Variants in MAP3K9 observed in about 807,000 individuals in gnomAD.
MAP3K9 encodes the protein mitogen-activated protein kinase kinase kinase 9, also known as mixed lineage kinase 1 (tyr and ser/thr specificity).
Under a neutral mutation model 95.8 loss-of-function variants are expected in MAP3K9, and 46 were observed. The ratio of observed to expected loss-of-function variants is 0.48; its 90% confidence interval spans 0.38 to 0.61. The LOEUF (loss-of-function observed/expected upper bound fraction) is 0.61. Among genes scored for constraint, MAP3K9 ranks in the 20% least tolerant of loss-of-function variants. The pLI is 0.00. For synonymous variants in MAP3K9, 533 were observed against 593.8 expected, an observed-to-expected ratio of 0.90 and a Z score of 1.49; for missense variants, 1,296 against 1,474.3, an observed-to-expected ratio of 0.88 and a Z score of 1.98.
intron 2 of MAP3K9, among the ~76,000 whole-genome samples, chr14:70,797,417 AAAT>A (rs10624095): frequency 3.3e-5 from 5 of 149,578 alleles, no homozygotes; most frequent in African/African-American, 7.4e-5. Flanking sequence ...ATCTCTATTA[AAAT>A]AATAATAATA....
intron 6 of MAP3K9, among the ~76,000 whole-genome samples, chr14:70,741,706 G>A (rs921385517): frequency 6.6e-6 from 1 of 152,184 alleles, no homozygotes; most frequent in African/African-American, 2.4e-5. Context: ...AGCCAGGAGT[G>A]GTGGCTCACA....
At chr14:70,781,190 G>C (rs2054671054) in intron 2 of MAP3K9, among the ~76,000 whole-genome samples, 1 of 152,218 alleles carries the variant, frequency 6.6e-6, no homozygotes, top group South Asian at 2.1e-4. Flanking sequence ...CAGAAAAGAT[G>C]CTACAGCTTC....
intron 2 of MAP3K9, among the ~76,000 whole-genome samples, chr14:70,782,426 G>C (rs966460105): frequency 6.6e-6 from 1 of 152,110 alleles, no homozygotes; most frequent in African/African-American, 2.4e-5. Context: ...AGAGGAGAAA[G>C]GATTTGAGGG....
At chr14:70,789,784 C>G (rs1003150169) in intron 2 of MAP3K9, among the ~76,000 whole-genome samples, 8 of 152,188 alleles carry the variant, frequency 5.3e-5, no homozygotes, top group Non-Finnish European at 1.0e-4. Context: ...AAGGGACATG[C>G]AACCCACAGC....
chr14:70,750,176 C>A, intron 3 of MAP3K9, 95 bp from the exon 4 acceptor site: 1 of 1,086,760 alleles, frequency 9.2e-7, no homozygotes, highest in Non-Finnish European at 1.4e-6. Context: ...CACATTCTCC[C>A]CAACAGATAG....
intron 3 of MAP3K9, among the ~76,000 whole-genome samples, chr14:70,756,809 A>G (rs997937819): frequency 6.6e-6 from 1 of 152,174 alleles, no homozygotes; most frequent in African/African-American, 2.4e-5. Flanking sequence ...TTTGAAAGAG[A>G]ATATGCTTCT....
intron 2 of MAP3K9, chr14:70,765,428 C>T (rs1198162115): frequency 1.5e-6 from 1 of 687,468 alleles, no homozygotes; most frequent in South Asian, 1.6e-5. Context: ...CACATTCACT[C>T]ACCACTCACT....
In MAP3K9 at chr14:70,748,858, TCTC is replaced by T; in HGVS notation, c.1294_1296del (p.Glu432del). The T allele has an allele frequency of 6.2e-7, 1 of 1,613,482 alleles. No individual in the cohort carries two copies. The highest frequency in any genetic ancestry group is 1.1e-5 in the South Asian group (1 of 90,894). On this transcript the variant is annotated inframe_deletion, in exon 5 of 12. Coordinates refer to ENST00000554752, the MANE Select transcript of MAP3K9 (RefSeq NM_001284230.2). The stretch of plus-strand genomic sequence containing the variant: ...TCTTTGGCCCTGAGTTGGTCAAACA[TCTC>T]CTGAATCTCGTGTTTCCAGTTGTCC...
intron 2 of MAP3K9, among the ~76,000 whole-genome samples, chr14:70,772,385 G>C (rs1246244539): frequency 6.6e-6 from 1 of 152,128 alleles, no homozygotes; most frequent in Non-Finnish European, 1.5e-5. Context: ...CCCTCATAGA[G>C]AGAGAGAGAG....
intron 2 of MAP3K9, among the ~76,000 whole-genome samples, chr14:70,781,759 G>A (rs986607226): frequency 2.6e-5 from 4 of 152,120 alleles, no homozygotes; most frequent in Non-Finnish European, 5.9e-5. Context: ...GCTCAGGGTC[G>A]AGGACTTTGC....
At chr14:70,783,875 T>G (rs956720861) in intron 2 of MAP3K9, among the ~76,000 whole-genome samples, 2 of 152,266 alleles carry the variant, frequency 1.3e-5, no homozygotes, top group Admixed American at 1.3e-4. Flanking sequence ...TTAACAGACG[T>G]GTCCAAACCC....
chr14:70,730,661 G>A lies in MAP3K9; in HGVS notation c.3034C>T (p.Pro1012Ser), dbSNP rs1325355223. 1 of 1,613,790 alleles carries A rather than the reference G, an allele frequency of 6.2e-7. No individual in the cohort carries two copies. The change falls in exon 12 of 12, where the codon CCC becomes TCC. Residue 1012 changes from proline (P) to serine (S), a missense_variant. Around this residue, in one of 5 missense-constraint regions of MAP3K9, gnomAD observed 433 missense variants for 441.4 expected, o/e 0.98. Transcript: ENST00000554752. ...GGGGAGGTGCTGCGGGCATGGCTGG[G>A]GGACACAAACCACCAAGGGTCCAGC... ...QRLDPWWFVSPSHARSTSPAN... is the reference protein window; with the variant it reads ...QRLDPWWFVSSSHARSTSPAN...
intron 2 of MAP3K9, among the ~76,000 whole-genome samples, chr14:70,767,780 C>T (rs1303447234): frequency 6.6e-6 from 1 of 152,226 alleles, no homozygotes; most frequent in Non-Finnish European, 1.5e-5. Flanking sequence ...CCTTGAACTA[C>T]TGGGCTCAAG....
At chr14:70,741,786 A>G (rs958054773) in intron 6 of MAP3K9, among the ~76,000 whole-genome samples, 2 of 152,124 alleles carry the variant, frequency 1.3e-5, no homozygotes, top group African/African-American at 2.4e-5. Context: ...GTCTCTACTA[A>G]AAATACAAAA....
At position 70,725,480 on chromosome 14, in the gene MAP3K9, A is replaced by G. The variant is rs1857622788; in HGVS notation, c.*4900T>C. ...CACCTAAACCCTGTTAATTAGCCTT[A>G]ATCGGCAGGATTTCAGCTTCCTCCT... On this transcript the variant is annotated 3_prime_UTR_variant, in exon 12 of 12. Transcript: ENST00000554752. 6.6e-6 allele frequency: 1 copy of G among 152,226 alleles called. No homozygotes were observed. Among genetic ancestry groups the G allele is most frequent in the African/African-American group, 2.4e-5 (1 of 41,454 alleles). 9.4% of individuals were successfully genotyped at this position (152,226 alleles called of 1,614,324 possible). A position where few individuals can be genotyped will look rare whatever the true frequency, so the allele number is the denominator to read the frequency against.
rs748018900 is a variant in MAP3K9 at position 70,733,047 on chromosome 14, C to T, written c.2322G>A (p.Lys774=). ...GCTCCTCCAGGGGAAGCAGCTGGCA[C>T]TTGCCAGCTTCCAGCAAGTCAAACC... ...GLGFDLLEAG[K]CQLLPLEEPE... is the part of the protein sequence containing the mutation. Residue 774 remains lysine, a synonymous_variant, in exon 11 of 12, where the codon AAG becomes AAA. Transcript: ENST00000554752. 3.7e-6 allele frequency: 6 copies of T among 1,614,168 alleles called. No individual in the cohort carries two copies. The highest frequency in any genetic ancestry group is 5.1e-6 in the Non-Finnish European group (6 of 1,180,018).
At chr14:70,753,015 C>T (rs2054251061) in intron 3 of MAP3K9, 1 of 152,234 alleles carries the variant, frequency 6.6e-6, no homozygotes, top group Non-Finnish European at 1.5e-5. Context: ...AGAACTACTG[C>T]CCAAGTAGGC....
intron 9 of MAP3K9, 22 bp downstream of exon 9, chr14:70,735,939 A>G: frequency 6.4e-7 from 1 of 1,563,946 alleles, no homozygotes; most frequent in Non-Finnish European, 8.8e-7. Context: ...ACAGCTGGTG[A>G]AAGGGTGAAG....
At chr14:70,753,067 T>C (rs2054251687) in intron 3 of MAP3K9, 1 of 152,262 alleles carries the variant, frequency 6.6e-6, no homozygotes, top group African/African-American at 2.4e-5. Flanking sequence ...TTGGGTCAAA[T>C]GCCTGTTTTA....
Sources: allele counts gnomAD v4.1 joint callset (sites outside exome capture counted in the v4.1 genomes callset), GRCh38; gene constraint gnomAD v4.1.1; regional missense constraint gnomAD v4.1.1; transcripts MANE v1.5; gene names NCBI Gene and HGNC (gene_info 2026-07-23, HGNC 2026-07-21).